The following RIMS3 variants were observed in gnomAD, a reference collection of about 807,000 sequenced individuals.
RIMS3 encodes the protein regulating synaptic membrane exocytosis 3, also known as regulating synaptic membrane exocytosis protein 3.
Under a neutral mutation model 29.2 loss-of-function variants are expected in RIMS3, and 15 were observed. The ratio of observed to expected loss-of-function variants is 0.51; its 90% CI spans 0.34 to 0.79. RIMS3 has a LOEUF of 0.79. RIMS3 is among the 30% of genes least tolerant of loss of function. The pLI is 0.01. For synonymous variants in RIMS3, 161 were observed against 170.1 expected (o/e 0.95, Z 0.41); for missense variants, 342 against 421.4 (o/e 0.81, Z 1.65).
At chr1:40,673,199 G>A in the RIMS3 span, 2 of 152,074 alleles carry the variant, frequency 1.3e-5, no homozygotes, top group African/African-American at 4.8e-5. Context: ...GCATCTCAGG[G>A]TCTCAGGCTT....
chr1:40,645,458 C>A (rs557169697), intron 2 of RIMS3, among the ~76,000 whole-genome samples: 6 of 152,280 alleles, frequency 3.9e-5, no homozygotes, highest in Admixed American at 1.3e-4. Context: ...CACAAAGAGA[C>A]AGAATGCTTA....
At chr1:40,673,065 A>G in the RIMS3 span, among the ~76,000 whole-genome samples, 4 of 152,032 alleles carry the variant, frequency 2.6e-5, no homozygotes, top group Non-Finnish European at 5.9e-5. Flanking sequence ...CTGTAATCCC[A>G]GCCACTTGGG....
chr1:40,653,099 G>A (rs534394604), intron 1 of RIMS3, among the ~76,000 whole-genome samples: 4 of 152,186 alleles, frequency 2.6e-5, no homozygotes, highest in South Asian at 2.1e-4. Flanking sequence ...GTTTAGTCCC[G>A]ATGGGTCTGA....
the RIMS3 span, chr1:40,673,178 CA>C: frequency 4.1e-5 from 6 of 145,958 alleles, no homozygotes; most frequent in East Asian, 2.0e-4. Flanking sequence ...GGCTCCATCT[CA>C]AAAAAAAAAG....
chr1:40,659,652 T>C (rs866465768), intron 1 of RIMS3, among the ~76,000 whole-genome samples: 1 of 152,208 alleles, frequency 6.6e-6, no homozygotes, highest in Non-Finnish European at 1.5e-5. Flanking sequence ...CTGAATGTTA[T>C]GAAGAAGTAC....
chr1:40,630,836 G>T lies in RIMS3; in HGVS notation c.473-1464C>A, dbSNP rs547596095. On this transcript the variant is annotated intron_variant, in intron 5 of 7. Coordinates refer to ENST00000372684, the MANE Select transcript of RIMS3 (RefSeq NM_014747.3). ...AAGCAGGCTCCCCAGACCCTTAAGA[G>T]ACTGAAAACAAGGGTCCAGCCCTAG... is the stretch of plus-strand genomic sequence containing the variant. Among the ~76,000 whole-genome samples, 12 of 152,352 alleles carry T rather than the reference G, an allele frequency of 7.9e-5. 1 individual carries two copies. In the South Asian group the frequency reaches 2.5e-3, roughly 32 times the overall value.
At position 40,623,298 on chromosome 1, in the gene RIMS3, T is replaced by C; in HGVS notation, c.*3219A>G. On this transcript the variant is annotated 3_prime_UTR_variant, in exon 8 of 8. Transcript: ENST00000372684. ...TCCCTGAAGGATCAAGTTCCCCTTGTCAAACCAAGACTTGGCTCCATTTAC... is the reference window on the plus strand; with the variant it reads ...TCCCTGAAGGATCAAGTTCCCCTTGCCAAACCAAGACTTGGCTCCATTTAC... 1 of 397,978 alleles carries C rather than the reference T, an allele frequency of 2.5e-6. No homozygotes were observed. Among genetic ancestry groups the C allele is most frequent in the East Asian group, 3.6e-5 (1 of 28,068 alleles). The allele number at this position is 397,978 out of a possible 1,614,324, so 24.7% of individuals were successfully genotyped here.
chr1:40,687,005 CA>C, the RIMS3 span, among the ~76,000 whole-genome samples: 41 of 142,620 alleles, frequency 2.9e-4, no homozygotes, highest in South Asian at 1.4e-3. Flanking sequence ...GGTGGCTCCT[CA>C]AAAAAAAAAA....
chr1:40,670,649 C>T (rs1209828316), upstream of RIMS3, among the ~76,000 whole-genome samples: 1 of 133,138 alleles, frequency 7.5e-6, no homozygotes, highest in Non-Finnish European at 1.5e-5. Context: ...GAGGCAGTGG[C>T]GTGATCTCTG....
the RIMS3 span, among the ~76,000 whole-genome samples, chr1:40,684,996 G>A: frequency 6.6e-5 from 10 of 152,210 alleles, no homozygotes; most frequent in South Asian, 1.9e-3. Context: ...GTGAGACCTC[G>A]CTTAGATTTG....
the RIMS3 span, among the ~76,000 whole-genome samples, chr1:40,689,259 T>G: frequency 1.3e-5 from 2 of 152,318 alleles, no homozygotes; most frequent in South Asian, 2.1e-4. Flanking sequence ...CATAAATTTC[T>G]GCTCAGAAGT....
chr1:40,671,652 T>C, the RIMS3 span, among the ~76,000 whole-genome samples: 1 of 152,118 alleles, frequency 6.6e-6, no homozygotes, highest in African/African-American at 2.4e-5. Flanking sequence ...TCAGCCATGA[T>C]TGGAAGCTTC....
chr1:40,678,331 C>T, the RIMS3 span, among the ~76,000 whole-genome samples: 11 of 152,218 alleles, frequency 7.2e-5, no homozygotes, highest in Non-Finnish European at 1.3e-4. Flanking sequence ...TCGCTTGAAC[C>T]TGGTAGGTGG....
upstream of RIMS3, among the ~76,000 whole-genome samples, chr1:40,669,771 AT>A (rs1300651423): frequency 3.3e-5 from 5 of 152,120 alleles, no homozygotes; most frequent in African/African-American, 1.2e-4. Flanking sequence ...GGGTGCAAAG[AT>A]TTTTTTGAAA....
the RIMS3 span, among the ~76,000 whole-genome samples, chr1:40,677,127 T>C: frequency 6.6e-6 from 1 of 151,830 alleles, no homozygotes; most frequent in Non-Finnish European, 1.5e-5. Context: ...ACAACCTGAA[T>C]AGCTGGGATC....
the RIMS3 span, among the ~76,000 whole-genome samples, chr1:40,680,787 A>G: frequency 6.6e-6 from 1 of 152,200 alleles, no homozygotes; most frequent in Non-Finnish European, 1.5e-5. Context: ...CTAGTTACAA[A>G]CTTCTAAATA....
intron 2 of RIMS3, among the ~76,000 whole-genome samples, chr1:40,645,151 A>G (rs1646586273): frequency 6.6e-6 from 1 of 152,200 alleles, no homozygotes; most frequent in African/African-American, 2.4e-5. Context: ...CAGCTAATGG[A>G]AAGTCCCCCT....
intron 1 of RIMS3, among the ~76,000 whole-genome samples, chr1:40,663,035 C>A (rs930052534): frequency 1.3e-5 from 2 of 152,180 alleles, no homozygotes; most frequent in Non-Finnish European, 2.9e-5. Context: ...CTTCAGTTCA[C>A]ACACACCCCA....
Position 40,624,696 on chromosome 1 carries a change from A to C in RIMS3, c.*1821T>G, listed in dbSNP as rs1372743248. Reference sequence around the variant, plus strand: ...CCTATCTTTCTTGGGAGGTGTTATAAGACTCTGGCTTCAACGTAACACAGA... The same window carrying C: ...CCTATCTTTCTTGGGAGGTGTTATACGACTCTGGCTTCAACGTAACACAGA... On this transcript the variant is annotated 3_prime_UTR_variant, in exon 8 of 8. Coordinates refer to ENST00000372684, the MANE Select transcript of RIMS3 (RefSeq NM_014747.3). 6.6e-6 allele frequency: 1 copy of C among 152,620 alleles called. No individual in the cohort carries two copies. Among genetic ancestry groups the C allele is most frequent in the Non-Finnish European group, 1.5e-5 (1 of 68,072 alleles). The allele number at this position is 152,620 out of a possible 1,614,324, so 9.5% of individuals were successfully genotyped here.
Sources: allele counts gnomAD v4.1 joint callset (sites outside exome capture counted in the v4.1 genomes callset), GRCh38; gene constraint gnomAD v4.1.1; transcripts MANE v1.5; gene names NCBI Gene and HGNC (gene_info 2026-07-23, HGNC 2026-07-21).